The following ATF7IP2 variants were observed in gnomAD, a reference collection of about 807,000 sequenced individuals.
The protein encoded by ATF7IP2 is activating transcription factor 7-interacting protein 2.
ATF7IP2 carries 42 observed loss-of-function variants against 64.2 expected under a neutral mutation model. The ratio of observed to expected loss-of-function variants is 0.65; its 90% CI spans 0.51 to 0.85. The LOEUF is 0.85. Ranked by LOEUF, ATF7IP2 falls within the 40% of genes least tolerant of loss-of-function variation. The pLI is 0.00. For missense variants in ATF7IP2, 933 were observed against 784.2 expected (o/e 1.19, Z -2.27); for synonymous variants, 308 against 272.8 (o/e 1.13, Z -1.27).
chr16:10,471,915 T>C, intron 9 of ATF7IP2, 195 bp from the exon 10 acceptor site: 1 of 398,848 alleles, frequency 2.5e-6, no homozygotes. Context: ...TTGATGAATC[T>C]TTAGTCATAT....
intron 1 of ATF7IP2, among the ~76,000 whole-genome samples, chr16:10,393,722 C>CTACT (rs1481910018): frequency 6.6e-6 from 1 of 152,054 alleles, no homozygotes; most frequent in Non-Finnish European, 1.5e-5. Context: ...GGATGTAATA[C>CTACT]TACTGCAAGT....
chr16:10,470,717 A>C (rs2049763253), intron 9 of ATF7IP2, among the ~76,000 whole-genome samples: 1 of 152,028 alleles, frequency 6.6e-6, no homozygotes, highest in Non-Finnish European at 1.5e-5. Flanking sequence ...CCAGAGGTTC[A>C]GGCTTCAGCA....
chr16:10,475,739 A>C (rs1029229650), intron 12 of ATF7IP2, among the ~76,000 whole-genome samples: 7 of 150,726 alleles, frequency 4.6e-5, no homozygotes, highest in Non-Finnish European at 8.9e-5. Context: ...AAAAAAAAAA[A>C]AAAAACAGAG....
At chr16:10,460,800 G>A (rs902951365) in intron 9 of ATF7IP2, among the ~76,000 whole-genome samples, 1 of 152,078 alleles carries the variant, frequency 6.6e-6, no homozygotes. Context: ...GTTTTCTTAA[G>A]ACATAAATGC....
chr16:10,433,759 C>G (rs75181877), intron 6 of ATF7IP2, 110 bp downstream of exon 6: 2 of 1,257,056 alleles, frequency 1.6e-6, no homozygotes, highest in East Asian at 2.5e-5. Context: ...TCACTTGCTG[C>G]AGAGCTGGTG....
At chr16:10,433,691 G>C in intron 6 of ATF7IP2, 42 bp downstream of exon 6, 2 of 1,593,128 alleles carry the variant, frequency 1.3e-6, no homozygotes, top group East Asian at 2.2e-5. Context: ...CTTTTGATTA[G>C]TAAAACATGG....
chr16:10,422,371 C>A (rs1467163107), intron 3 of ATF7IP2, among the ~76,000 whole-genome samples: 1 of 152,106 alleles, frequency 6.6e-6, no homozygotes, highest in Non-Finnish European at 1.5e-5. Context: ...CAGGGACATA[C>A]CCCGTTTCAT....
intron 1 of ATF7IP2, among the ~76,000 whole-genome samples, chr16:10,399,677 C>A (rs948242389): frequency 6.6e-6 from 1 of 152,138 alleles, no homozygotes; most frequent in Non-Finnish European, 1.5e-5. Flanking sequence ...TTTGGGCTCT[C>A]TTTTGGTTCC....
intron 9 of ATF7IP2, 131 bp downstream of exon 9, chr16:10,457,660 C>T: frequency 1.4e-6 from 1 of 733,754 alleles, no homozygotes; most frequent in Non-Finnish European, 2.0e-6. Context: ...TATAGTTTTA[C>T]TTTTACATAT....
chr16:10,424,870 C>G (rs1321156031), intron 3 of ATF7IP2, among the ~76,000 whole-genome samples: 1 of 152,148 alleles, frequency 6.6e-6, no homozygotes, highest in Non-Finnish European at 1.5e-5. Context: ...AATTGGAACT[C>G]TCATCCACTG....
intron 1 of ATF7IP2, among the ~76,000 whole-genome samples, chr16:10,398,891 A>T (rs1468976106): frequency 6.6e-6 from 1 of 152,166 alleles, no homozygotes; most frequent in Non-Finnish European, 1.5e-5. Context: ...AGGCAGGCAG[A>T]TCACCTGAGG....
intron 1 of ATF7IP2, among the ~76,000 whole-genome samples, chr16:10,401,270 C>G (rs1183946814): frequency 1.3e-5 from 2 of 151,942 alleles, no homozygotes; most frequent in African/African-American, 4.8e-5. Context: ...CAGGTTCAAG[C>G]GATTCTCCTG....
At chr16:10,463,835 G>A (rs937634716) in intron 9 of ATF7IP2, among the ~76,000 whole-genome samples, 1 of 152,194 alleles carries the variant, frequency 6.6e-6, no homozygotes, top group Non-Finnish European at 1.5e-5. Context: ...CTGATCTACA[G>A]ATTTTATAAG....
intron 6 of ATF7IP2, among the ~76,000 whole-genome samples, chr16:10,436,933 C>T (rs553933353): frequency 2.6e-5 from 4 of 151,088 alleles, no homozygotes; most frequent in African/African-American, 7.3e-5. Flanking sequence ...ATTAATTTTT[C>T]ATATTACAGC....
At chr16:10,419,781 C>T (rs1257675994) in intron 3 of ATF7IP2, among the ~76,000 whole-genome samples, 158 bp downstream of exon 3, 1 of 152,144 alleles carries the variant, frequency 6.6e-6, no homozygotes, top group Non-Finnish European at 1.5e-5. Context: ...CAGTGGCACC[C>T]AAATTGGCTG....
At chr16:10,424,761 G>A (rs1282426243) in intron 3 of ATF7IP2, among the ~76,000 whole-genome samples, 1 of 152,150 alleles carries the variant, frequency 6.6e-6, no homozygotes, top group Admixed American at 6.5e-5. Flanking sequence ...TAGCCGTCAG[G>A]TAAATACAAA....
chr16:10,453,627 A>G (rs2049061879), intron 8 of ATF7IP2, among the ~76,000 whole-genome samples: 1 of 151,970 alleles, frequency 6.6e-6, no homozygotes, highest in South Asian at 2.1e-4. Flanking sequence ...TTGTTTATTT[A>G]TTTTTTTGAG....
chr16:10,417,065 T>A lies in ATF7IP2; in HGVS notation c.-203+2453T>A, dbSNP rs139227583. Among the ~76,000 whole-genome samples the A allele has an allele frequency of 2.7e-3, 415 of 152,180 alleles. 4 individuals are homozygous for A. The highest frequency in any genetic ancestry group is 9.5e-3 in the African/African-American group (394 of 41,518). On this transcript the variant is annotated intron_variant, in intron 2 of 13. Transcript: ENST00000562102. ...CTGGAAATGAAACCTCATGAAAGTA[T>A]AAGAATCAGAGGTCATATAAAACAA...
intron 1 of ATF7IP2, among the ~76,000 whole-genome samples, chr16:10,389,576 C>A (rs1438507944): frequency 6.6e-6 from 1 of 152,148 alleles, no homozygotes; most frequent in Non-Finnish European, 1.5e-5. Flanking sequence ...TGAGCTAAAT[C>A]TTCATCTGCA....
Sources: gnomAD v4.1 joint callset for allele counts (sites outside exome capture counted in the v4.1 genomes callset) on GRCh38, gnomAD v4.1.1 for gene constraint, MANE v1.5 for transcripts, NCBI Gene and HGNC (gene_info 2026-07-23, HGNC 2026-07-21) for gene names.